Variants in PRRC2C observed in about 807,000 individuals in gnomAD.
PRRC2C encodes protein PRRC2C.
A neutral mutation model predicts 317.2 loss-of-function variants in PRRC2C; 72 were observed. The ratio of observed to expected loss-of-function variants is 0.23; its 90% CI spans 0.19 to 0.28. PRRC2C has a LOEUF of 0.28. PRRC2C is among the 10% of genes least tolerant of loss of function. The pLI is 1.00. For synonymous variants in PRRC2C, 1,296 were observed against 1,205.9 expected, an observed-to-expected ratio of 1.07 and a Z score of -1.55; for missense variants, 3,074 against 3,459.7, an observed-to-expected ratio of 0.89 and a Z score of 2.80.
intron 19 of PRRC2C, 61 bp from the exon 20 acceptor site, chr1:171,560,956 AT>A: frequency 7.5e-7 from 1 of 1,333,028 alleles, no homozygotes; most frequent in Admixed American, 1.7e-5. Context: ...AAAGGGTTAA[AT>A]GGGTTAGAGA....
At chr1:171,507,032 C>T (rs1670380406) in intron 1 of PRRC2C, among the ~76,000 whole-genome samples, 1 of 151,930 alleles carries the variant, frequency 6.6e-6, no homozygotes, top group African/African-American at 2.4e-5. Flanking sequence ...CCCTCCCCAC[C>T]CCCCTTGATT....
At chr1:171,520,060 T>A (rs1673255041) in intron 6 of PRRC2C, among the ~76,000 whole-genome samples, 1 of 152,180 alleles carries the variant, frequency 6.6e-6, no homozygotes, top group African/African-American at 2.4e-5. Flanking sequence ...CCTCCCAGGT[T>A]CAAGCGATTC....
chr1:171,565,997 TGA>T (rs1683581007), intron 20 of PRRC2C, among the ~76,000 whole-genome samples: 1 of 152,224 alleles, frequency 6.6e-6, no homozygotes, highest in African/African-American at 2.4e-5. Flanking sequence ...ATCACACTCA[TGA>T]GAGCCAGGAC....
At chr1:171,579,499 G>A (rs751340737) in intron 27 of PRRC2C, 33 bp downstream of exon 27, 1 of 1,605,774 alleles carries the variant, frequency 6.2e-7, no homozygotes, top group Admixed American at 1.7e-5. Flanking sequence ...TCCTGTATTT[G>A]TTCCTTCGCA....
chr1:171,506,080 A>G (rs1217959900), intron 1 of PRRC2C, among the ~76,000 whole-genome samples: 1 of 152,192 alleles, frequency 6.6e-6, no homozygotes, highest in East Asian at 1.9e-4. Context: ...GGTGAAAAGT[A>G]GAGCCAGGGT....
intron 25 of PRRC2C, among the ~76,000 whole-genome samples, chr1:171,576,690 G>A (rs1353672264): frequency 3.3e-5 from 5 of 151,916 alleles, no homozygotes; most frequent in African/African-American, 7.2e-5. Context: ...TTGGAGTTGT[G>A]TGGTTTTTTT....
Position 171,512,021 on chromosome 1 carries a change from T to C in PRRC2C, c.-57-11T>C. 2 of 781,790 alleles carry C rather than the reference T, an allele frequency of 2.6e-6. No homozygotes were observed. Among genetic ancestry groups the C allele is most frequent in the Non-Finnish European group, 4.0e-6 (2 of 499,842 alleles). The allele number at this position is 781,790 out of a possible 1,614,324, so 48.4% of individuals were successfully genotyped here. A position where few individuals can be genotyped will look rare whatever the true frequency, so the allele number is the denominator to read the frequency against. ...TTCATCCTTATTTTTCTTTCTTATGTACATCTTAAGGACTGGGGTTTTAAG... is the reference window on the plus strand; with the variant it reads ...TTCATCCTTATTTTTCTTTCTTATGCACATCTTAAGGACTGGGGTTTTAAG... On this transcript the variant is annotated splice_polypyrimidine_tract_variant and intron_variant, in intron 1 of 34. Coordinates refer to ENST00000647382, the MANE Select transcript of PRRC2C (RefSeq NM_001387844.1).
chr1:171,532,388 T>C lies in PRRC2C; in HGVS notation c.1300T>C (p.Phe434Leu), dbSNP rs766642545. The change falls in exon 12 of 35, where the codon TTT (phenylalanine) becomes CTT (leucine). Residue 434 changes from phenylalanine (F) to leucine (L), a missense_variant. Phe to Leu is a conservative substitution (Grantham distance 22). Coordinates refer to ENST00000647382, the MANE Select transcript of PRRC2C (RefSeq NM_001387844.1). ...GGCAGTACCTGGAAGACCAGGCCCC[T>C]TTCCCTCCAAGCAGCAAGTAGCTGA... ...RQAVPGRPGP[F>L]PSKQQVADED... The C allele has an allele frequency of 1.9e-6, 3 of 1,613,902 alleles. No individual in the cohort carries two copies. Among genetic ancestry groups the C allele is most frequent in the Admixed American group, 1.7e-5 (1 of 59,996 alleles).
At chr1:171,518,673 T>TTC (rs1399107032) in intron 6 of PRRC2C, among the ~76,000 whole-genome samples, 1 of 145,848 alleles carries the variant, frequency 6.9e-6, no homozygotes, top group Admixed American at 6.8e-5. Context: ...TTTTTTTTTT[T>TTC]TTTTTTTTTG....
In PRRC2C at chr1:171,587,653, T is replaced by C. The variant is rs147155415; in HGVS notation, c.7974T>C (p.Ser2658=). The C allele has an allele frequency of 2.5e-6, 4 of 1,603,968 alleles. No individual in the cohort carries two copies. Among genetic ancestry groups the C allele is most frequent in the Admixed American group, 1.7e-5 (1 of 59,810 alleles). Reference sequence around the variant, plus strand: ...TATTTTATGCTTCTCCTCAGATGTCTGAAATGGAACTAAAAGCCTTTGGAA... The same window carrying C: ...TATTTTATGCTTCTCCTCAGATGTCCGAAATGGAACTAAAAGCCTTTGGAA... The part of the protein sequence containing the change: ...HSMIATTGKM[S]EMELKAFGSG... Residue 2658 remains serine (S), a synonymous_variant, in exon 32 of 35, where the codon TCT becomes TCC. Coordinates refer to ENST00000647382, the MANE Select transcript of PRRC2C (RefSeq NM_001387844.1).
At chr1:171,550,534 T>C (rs958892363) in intron 18 of PRRC2C, among the ~76,000 whole-genome samples, 17 of 151,690 alleles carry the variant, frequency 1.1e-4, no homozygotes, top group African/African-American at 3.9e-4. Context: ...TTGTTACATA[T>C]GTATACATGT....
rs987126056 is a variant in PRRC2C at position 171,593,148 on chromosome 1, A to G, written c.*1301A>G. The G allele has an allele frequency of 6.6e-6, 1 of 151,092 alleles. No homozygotes were observed. Among genetic ancestry groups the G allele is most frequent in the African/African-American group, 2.4e-5 (1 of 41,112 alleles). 9.4% of individuals were successfully genotyped at this position (151,092 alleles called of 1,614,324 possible). On this transcript the variant is annotated 3_prime_UTR_variant, in exon 35 of 35. Coordinates refer to ENST00000647382, the MANE Select transcript of PRRC2C (RefSeq NM_001387844.1). ...TACCTTTTTCCCCCCTTTTTTTTAAATGGAGTGTGCTGGATGTCTCTATAA... is the reference window on the plus strand; with the variant it reads ...TACCTTTTTCCCCCCTTTTTTTTAAGTGGAGTGTGCTGGATGTCTCTATAA...
At chr1:171,539,261 A>G (rs1336994608) in intron 15 of PRRC2C, among the ~76,000 whole-genome samples, 2 of 151,724 alleles carry the variant, frequency 1.3e-5, no homozygotes, top group Admixed American at 6.5e-5. Flanking sequence ...TCGGCCTCCC[A>G]AAGTGAGGAT....
rs1677672557 is a variant in PRRC2C at position 171,540,001 on chromosome 1, T to C, written c.2535T>C (p.Ile845=). 1 of 1,613,192 alleles carries C rather than the reference T, an allele frequency of 6.2e-7. No individual in the cohort carries two copies. Among genetic ancestry groups the C allele is most frequent in the Non-Finnish European group, 8.5e-7 (1 of 1,179,600 alleles). The change falls in exon 16 of 35, where the codon ATT becomes ATC. Residue 845 remains isoleucine, a synonymous_variant. Transcript: ENST00000647382. ...RSEAALDQEQ[I]TAAYSVEHNQ... ...AAGCTGCGTTGGACCAGGAACAGAT[T>C]ACTGCTGCTTATTCTGTAGAACATA...
At chr1:171,561,219 C>T (rs926324281) in intron 20 of PRRC2C, 116 bp downstream of exon 20, 43 of 1,039,898 alleles carry the variant, frequency 4.1e-5, no homozygotes, top group East Asian at 1.4e-4. Context: ...TACTTGAGTC[C>T]GGGAGTTTGA....
At chr1:171,522,141 C>A (rs1289466744) in intron 6 of PRRC2C, 36 bp from the exon 7 acceptor site, 8 of 1,274,088 alleles carry the variant, frequency 6.3e-6, no homozygotes, top group Non-Finnish European at 8.7e-6. Context: ...AACTAGGTTG[C>A]TAAATTTATC....
intron 10 of PRRC2C, 44 bp from the exon 11 acceptor site, chr1:171,527,747 C>A (rs776373273): frequency 6.7e-7 from 1 of 1,500,288 alleles, no homozygotes; most frequent in Non-Finnish European, 9.1e-7. Flanking sequence ...CAGAGCAAGA[C>A]TGTCTCCAAA....
intron 34 of PRRC2C, 71 bp downstream of exon 34, chr1:171,589,676 C>A (rs1363949981): frequency 2.8e-6 from 3 of 1,076,370 alleles, no homozygotes; most frequent in Non-Finnish European, 3.7e-6. Flanking sequence ...GCCTCTGGAC[C>A]CATAACTGTA....
intron 15 of PRRC2C, among the ~76,000 whole-genome samples, chr1:171,538,459 G>A (rs762581358): frequency 4.6e-5 from 7 of 152,204 alleles, no homozygotes; most frequent in African/African-American, 1.2e-4. Flanking sequence ...TTGAAATGGC[G>A]CACAATTGGT....
Sources: allele counts gnomAD v4.1 joint callset (sites outside exome capture counted in the v4.1 genomes callset), GRCh38; gene constraint gnomAD v4.1.1; transcripts MANE v1.5; gene names NCBI Gene and HGNC (gene_info 2026-07-23, HGNC 2026-07-21).